NUP98: variants seen among roughly 807,000 people sequenced by gnomAD.
NUP98 encodes the protein nuclear pore complex protein Nup98-Nup96.
NUP98 carries 26 observed loss-of-function variants against 191.9 expected under a neutral mutation model. The ratio of observed to expected loss-of-function variants is 0.14; its 90% CI spans 0.10 to 0.19. The LOEUF is 0.19. Ranked by LOEUF, NUP98 falls within the 10% of genes least tolerant of loss-of-function variation. The pLI is 1.00. For missense variants in NUP98, 1,941 were observed against 2,178.8 expected (o/e 0.89, Z 2.17); for synonymous variants, 808 against 778.4 (o/e 1.04, Z -0.63).
chr11:3,790,125 GCT>G (rs1205660099), intron 1 of NUP98, among the ~76,000 whole-genome samples: 5 of 152,110 alleles, frequency 3.3e-5, no homozygotes, highest in Admixed American at 3.3e-4. Flanking sequence ...ATACTAGTAA[GCT>G]CTGTGTCAAA....
chr11:3,742,605 A>G (rs1589854413), intron 12 of NUP98, among the ~76,000 whole-genome samples: 1 of 150,958 alleles, frequency 6.6e-6, no homozygotes, highest in East Asian at 2.0e-4. Flanking sequence ...AAGCTGAGGC[A>G]GCAGAATTGC....
At chr11:3,706,896 G>C (rs187325095) in intron 20 of NUP98, among the ~76,000 whole-genome samples, 20 of 152,280 alleles carry the variant, frequency 1.3e-4, no homozygotes, top group African/African-American at 3.9e-4. Context: ...CACCCATGGT[G>C]AAACAAATGG....
intron 7 of NUP98, among the ~76,000 whole-genome samples, chr11:3,770,309 AGT>A (rs1323873259): frequency 6.6e-6 from 1 of 152,100 alleles, no homozygotes; most frequent in African/African-American, 2.4e-5. Context: ...CTTGGGCAAC[AGT>A]GAGACTCCGT....
chr11:3,763,311 C>A (rs959222765), intron 8 of NUP98, among the ~76,000 whole-genome samples: 10 of 152,008 alleles, frequency 6.6e-5, no homozygotes, highest in Non-Finnish European at 1.5e-4. Flanking sequence ...CCTGTTCTTC[C>A]CAGGATGATG....
intron 12 of NUP98, 121 bp downstream of exon 12, chr11:3,744,388 G>T: frequency 1.0e-6 from 1 of 995,698 alleles, no homozygotes; most frequent in Non-Finnish European, 1.4e-6. Context: ...CTACCCAATT[G>T]TTTAATGACA....
intron 25 of NUP98, among the ~76,000 whole-genome samples, chr11:3,698,460 G>A (rs940046761): frequency 1.3e-5 from 2 of 151,950 alleles, no homozygotes; most frequent in Non-Finnish European, 2.9e-5. Context: ...GGGTGCAGTG[G>A]CTCACACCTG....
At chr11:3,690,678 G>C (rs536290869) in intron 28 of NUP98, among the ~76,000 whole-genome samples, 106 of 152,078 alleles carry the variant, frequency 7.0e-4, no homozygotes, top group Non-Finnish European at 1.3e-3. Context: ...ATTTTAAAGA[G>C]GATTTGGAGC....
rs111654029 is a variant in NUP98, at chr11:3,785,856, T to TA, written c.-28-3712dup. Among the ~76,000 whole-genome samples, 416 of 146,226 alleles carry TA rather than the reference T, an allele frequency of 2.8e-3. 1 individual carries two copies. The highest frequency in any genetic ancestry group is 6.8e-3 in the African/African-American group (274 of 40,138). On this transcript the variant is annotated intron_variant, in intron 1 of 32. Transcript: ENST00000324932. ...ACTCCAAAAATGTAGTAAAATCCAT[T>TA]AAAAAAAAAAAGTAATCCTAGAGAC...
rs201011075 is a variant in NUP98, at chr11:3,699,183, T to C, written c.3908A>G (p.Glu1303Gly). The change falls in exon 25 of 33, where the codon GAG (glutamate) becomes GGG (glycine). Residue 1303 changes from glutamate to glycine, a missense_variant. Glu to Gly is a moderately conservative substitution (Grantham distance 98, BLOSUM62 -2). Coordinates refer to ENST00000324932, the MANE Select transcript of NUP98 (RefSeq NM_016320.5). ...LSCTATPQIE[E>G]EVSLTQKNSP... Reference sequence around the variant, plus strand: ...GTTTTTTTGGGTTAAGGAGACTTCCTCTTCAATCTGAGGTGTGGCAGTACA... The same window carrying C: ...GTTTTTTTGGGTTAAGGAGACTTCCCCTTCAATCTGAGGTGTGGCAGTACA... 7.0e-4 allele frequency: 1,122 copies of C among 1,614,014 alleles called. 1 individual carries two copies. The highest frequency in any genetic ancestry group is 9.0e-4 in the Non-Finnish European group (1,059 of 1,180,034).
intron 9 of NUP98, among the ~76,000 whole-genome samples, chr11:3,761,996 G>A (rs1419013846): frequency 6.6e-6 from 1 of 152,028 alleles, no homozygotes; most frequent in Non-Finnish European, 1.5e-5. Flanking sequence ...ATGTCTTGAA[G>A]CATTATATAA....
intron 12 of NUP98, among the ~76,000 whole-genome samples, chr11:3,743,849 C>T (rs2080385289): frequency 6.6e-6 from 1 of 151,248 alleles, no homozygotes; most frequent in South Asian, 2.1e-4. Context: ...GTCAGGAATT[C>T]GAGATCAGCC....
chr11:3,746,269 CAAAAAAAAAAA>C (rs66773761), intron 11 of NUP98, among the ~76,000 whole-genome samples: 5 of 33,926 alleles, frequency 1.5e-4, no homozygotes, highest in African/African-American at 5.6e-4. Flanking sequence ...AACTTTATCT[CAAAAAAAAAAA>C]AAAAAAAAAA....
chr11:3,736,586 C>G (rs550623219), intron 12 of NUP98, among the ~76,000 whole-genome samples: 1 of 152,286 alleles, frequency 6.6e-6, no homozygotes, highest in South Asian at 2.1e-4. Context: ...CGAGATCGCG[C>G]CACTGCACTC....
At position 3,702,509 on chromosome 11, in the gene NUP98, C is replaced by T. The variant is rs149421589; in HGVS notation, c.3466G>A (p.Asp1156Asn). Residue 1156 changes from aspartate to asparagine, a missense_variant, in exon 23 of 33, where the codon GAT becomes AAT. Physicochemically the swap from Asp to Asn is conservative, Grantham distance 23. Around this residue, in one of 6 missense-constraint regions of NUP98, gnomAD observed 1,030 missense variants for 1,115.8 expected, o/e 0.92. Transcript: ENST00000324932. Reference sequence around the variant, plus strand: ...GGCAGGAATCCAAACTCCATGGAATCGGCAATCTGATGATTTTCTAGTTCA... The same window carrying T: ...GGCAGGAATCCAAACTCCATGGAATTGGCAATCTGATGATTTTCTAGTTCA... Reference protein sequence around the residue: ...SHELENHQIADSMEFGFLPNP... With the variant: ...SHELENHQIANSMEFGFLPNP... 1.3e-4 allele frequency: 204 copies of T among 1,613,996 alleles called. No individual in the cohort carries two copies. Among genetic ancestry groups the T allele is most frequent in the African/African-American group, 9.5e-4 (71 of 74,976 alleles).
intron 25 of NUP98, among the ~76,000 whole-genome samples, chr11:3,697,772 T>C (rs946366251): frequency 1.4e-5 from 2 of 141,990 alleles, no homozygotes; most frequent in East Asian, 4.3e-4. Context: ...GCTGAGATCG[T>C]TCCACTGCAC....
intron 1 of NUP98, among the ~76,000 whole-genome samples, chr11:3,791,799 G>A (rs4910806): frequency 0.051 from 7,545 of 147,546 alleles, 245 homozygotes; most frequent in Middle Eastern, 0.099. Context: ...CCGAGATCAC[G>A]ACACTGCACT....
chr11:3,779,355 T>G (rs2081869415), intron 2 of NUP98, 98 bp from the exon 3 acceptor site: 4 of 1,064,380 alleles, frequency 3.8e-6, no homozygotes, highest in Non-Finnish European at 5.7e-6. Context: ...AAATTCTGCA[T>G]TTGAGGCTGT....
chr11:3,796,823 C>G (rs1048138580), intron 1 of NUP98, among the ~76,000 whole-genome samples: 2 of 152,152 alleles, frequency 1.3e-5, no homozygotes, highest in Non-Finnish European at 1.5e-5. Flanking sequence ...CTATAGTAAT[C>G]CAGAAACTCA....
rs1589933293 is a variant in NUP98, at chr11:3,771,836, T to G, written c.696A>C (p.Pro232=). Residue 232 remains proline, a synonymous_variant, in exon 7 of 33, where the codon CCA becomes CCC. Coordinates refer to ENST00000324932, the MANE Select transcript of NUP98 (RefSeq NM_016320.5). ...AGAGTCCTGTTGCGCTGGAAGTGGC[T>G]GGAGAAGACCCAAACAAGCCAGTTG... ...GTTTGLFGSS[P]ATSSATGLFS... 4 of 1,614,156 alleles carry G rather than the reference T, an allele frequency of 2.5e-6. No individual in the cohort carries two copies. Among genetic ancestry groups the G allele is most frequent in the Non-Finnish European group, 3.4e-6 (4 of 1,180,024 alleles).
Sources: gnomAD v4.1 joint callset for allele counts (sites outside exome capture counted in the v4.1 genomes callset) on GRCh38, gnomAD v4.1.1 for gene constraint, gnomAD v4.1.1 regional missense constraint, MANE v1.5 for transcripts, NCBI Gene and HGNC (gene_info 2026-07-23, HGNC 2026-07-21) for gene names.